Variants in SLC2A10 observed in about 807,000 individuals in gnomAD.
SLC2A10 encodes solute carrier family 2, facilitated glucose transporter member 10.
SLC2A10 carries 25 observed loss-of-function variants against 32.1 expected under a neutral mutation model. That is an observed-to-expected ratio of 0.78 (90% CI 0.57 to 1.09). SLC2A10 has a LOEUF of 1.09. Among genes scored for constraint, SLC2A10 ranks in the 50% least tolerant of loss-of-function variants. The pLI, the probability that SLC2A10 is intolerant of heterozygous loss-of-function variation, is 0.00. For missense variants in SLC2A10, 673 were observed against 686.5 expected (o/e 0.98, Z 0.22); for synonymous variants, 332 against 309.6 (o/e 1.07, Z -0.76).
rs139932041 is a variant in SLC2A10 at position 46,725,967 on chromosome 20, G to A, written c.931G>A (p.Val311Ile). The change falls in exon 2 of 5, where the codon GTC becomes ATC. Residue 311 changes from valine (V) to isoleucine (I), a missense_variant. Coordinates refer to ENST00000359271, the MANE Select transcript of SLC2A10 (RefSeq NM_030777.4). ...TGGCTGTGCCCTCATGGCCCTGTCC[G>A]TCAGTGGCATAGGCCTCGTCAGCTT... is the stretch of plus-strand genomic sequence containing the variant. ...LAGCALMALS[V>I]SGIGLVSFAV... 2.4e-4 allele frequency: 380 copies of A among 1,613,796 alleles called. 1 individual carries two copies. The Middle Eastern group carries it at 2.6e-3, about 11-fold the overall frequency.
At chr20:46,720,190 G>T (rs1311630510) in intron 1 of SLC2A10, among the ~76,000 whole-genome samples, 3 of 152,214 alleles carry the variant, frequency 2.0e-5, no homozygotes, top group African/African-American at 7.2e-5. Context: ...GGGGCACAGA[G>T]TGAGATGAGG....
At chr20:46,717,250 T>A (rs1368654382) in intron 1 of SLC2A10, among the ~76,000 whole-genome samples, 1 of 152,108 alleles carries the variant, frequency 6.6e-6, no homozygotes, top group Non-Finnish European at 1.5e-5. Flanking sequence ...ACCCCATAAT[T>A]GATCCATCAA....
In SLC2A10 at chr20:46,724,963, G is replaced by A. The variant is rs1226809363; in HGVS notation, c.5-78G>A. 5 of 1,596,982 alleles carry A rather than the reference G, an allele frequency of 3.1e-6. No individual in the cohort carries two copies. The African/African-American group carries it at 6.7e-5, about 21-fold the overall frequency. On this transcript the variant is annotated intron_variant, in intron 1 of 4. Coordinates refer to ENST00000359271, the MANE Select transcript of SLC2A10 (RefSeq NM_030777.4). ...GGATGGATAAATGAAGGTGTTGACAGATGGAGGGAAGGTTGAATGGATGGA... is the reference window on the plus strand; with the variant it reads ...GGATGGATAAATGAAGGTGTTGACAAATGGAGGGAAGGTTGAATGGATGGA...
chr20:46,708,887 T>C (rs986400832), upstream of SLC2A10, among the ~76,000 whole-genome samples: 1 of 152,224 alleles, frequency 6.6e-6, no homozygotes, highest in Admixed American at 6.5e-5. Flanking sequence ...TTGCCTTTGC[T>C]GTTCCCCCTG....
intron 1 of SLC2A10, among the ~76,000 whole-genome samples, chr20:46,717,244 C>T (rs962940394): frequency 6.6e-6 from 1 of 152,098 alleles, no homozygotes; most frequent in African/African-American, 2.4e-5. Flanking sequence ...AAACCCACCC[C>T]ATAATTGATC....
intron 1 of SLC2A10, among the ~76,000 whole-genome samples, chr20:46,711,671 C>T (rs917603364): frequency 3.3e-5 from 5 of 152,244 alleles, no homozygotes; most frequent in East Asian, 1.9e-4. Context: ...GTCATGGCTG[C>T]GGGTCTCTGT....
Position 46,723,890 on chromosome 20 carries a change from G to A in SLC2A10, c.5-1151G>A, listed in dbSNP as rs150675341. Among the ~76,000 whole-genome samples the A allele has an allele frequency of 4.6e-3, 707 of 152,342 alleles. 3 individuals are homozygous for A. The highest frequency in any genetic ancestry group is 0.015 in the African/African-American group (611 of 41,574). ...GAGGATGATATGTTATAGGGTAGCT[G>A]TAACAATTAAATGAGAAAATACATA... On this transcript the variant is annotated intron_variant, in intron 1 of 4. Coordinates refer to ENST00000359271, the MANE Select transcript of SLC2A10 (RefSeq NM_030777.4).
At chr20:46,711,105 C>G (rs1978884445) in intron 1 of SLC2A10, among the ~76,000 whole-genome samples, 1 of 152,176 alleles carries the variant, frequency 6.6e-6, no homozygotes, top group African/African-American at 2.4e-5. Context: ...CTCCTGACCT[C>G]GTGATCCGGC....
At chr20:46,729,799 C>T (rs371380989) in intron 4 of SLC2A10, among the ~76,000 whole-genome samples, 3 of 151,818 alleles carry the variant, frequency 2.0e-5, no homozygotes, top group Non-Finnish European at 4.4e-5. Context: ...CCCGCCACCA[C>T]GCCCGGCTAA....
Position 46,725,033 on chromosome 20 carries a change from T to C in SLC2A10, c.5-8T>C. 1 of 1,614,180 alleles carries C rather than the reference T, an allele frequency of 6.2e-7. No homozygotes were observed. The highest frequency in any genetic ancestry group is 8.5e-7 in the Non-Finnish European group (1 of 1,180,022). ...TCTAACTCTGTCCCTCTCACTTTTG[T>C]TTTTTAGGCCACTCCCCACCTGTCC... On this transcript the variant is annotated splice_region_variant and splice_polypyrimidine_tract_variant and intron_variant, in intron 1 of 4. Transcript: ENST00000359271.
intron 3 of SLC2A10, among the ~76,000 whole-genome samples, chr20:46,728,912 A>G (rs1220259074): frequency 6.6e-6 from 1 of 151,280 alleles, no homozygotes; most frequent in Admixed American, 6.6e-5. Flanking sequence ...GGCATGAACC[A>G]CTGCACCAAG....
chr20:46,716,707 T>C lies in SLC2A10; in HGVS notation c.4+6967T>C, dbSNP rs149565278. 4.3e-3 allele frequency among the ~76,000 whole-genome samples: 647 copies of C among 152,152 alleles called. 2 individuals carry two copies. Among genetic ancestry groups the C allele is most frequent in the African/African-American group, 0.013 (549 of 41,504 alleles). ...GGTTATTTTTATATGTACACTAATA[T>C]AAATAAAATAAAATAAAATAAAAAA... On this transcript the variant is annotated intron_variant, in intron 1 of 4. Coordinates refer to ENST00000359271, the MANE Select transcript of SLC2A10 (RefSeq NM_030777.4).
chr20:46,727,038 C>T (rs757334130), intron 3 of SLC2A10, 52 bp downstream of exon 3: 4 of 1,613,076 alleles, frequency 2.5e-6, no homozygotes, highest in East Asian at 2.2e-5. Context: ...AAGCTCCCTA[C>T]TCTAAAGCAG....
At chr20:46,728,256 C>G (rs569695138) in intron 3 of SLC2A10, among the ~76,000 whole-genome samples, 28 of 152,342 alleles carry the variant, frequency 1.8e-4, no homozygotes, top group Non-Finnish European at 3.8e-4. Flanking sequence ...GCTCTCCCTG[C>G]TGGCGATAGG....
At chr20:46,722,943 C>T (rs377226811) in intron 1 of SLC2A10, among the ~76,000 whole-genome samples, 18 of 152,326 alleles carry the variant, frequency 1.2e-4, no homozygotes, top group African/African-American at 2.2e-4. Context: ...TTCGTTAGCA[C>T]TCTTACCTGG....
chr20:46,717,489 G>C (rs1208081279), intron 1 of SLC2A10, among the ~76,000 whole-genome samples: 1 of 152,058 alleles, frequency 6.6e-6, no homozygotes, highest in Non-Finnish European at 1.5e-5. Flanking sequence ...GGGTTTAATT[G>C]ATTCTCCCAC....
intron 1 of SLC2A10, among the ~76,000 whole-genome samples, chr20:46,723,614 G>A (rs1452679994): frequency 1.3e-5 from 2 of 152,186 alleles, no homozygotes; most frequent in Non-Finnish European, 2.9e-5. Context: ...CCTGGCTGAA[G>A]CCAGCAAAGG....
chr20:46,729,009 C>G (rs1044388126), intron 3 of SLC2A10, among the ~76,000 whole-genome samples: 3 of 152,152 alleles, frequency 2.0e-5, no homozygotes, highest in Middle Eastern at 3.4e-3. Flanking sequence ...GGCCACTCAG[C>G]TGGATCCACG....
In SLC2A10 at chr20:46,734,603, C is replaced by A. The variant is rs1336830165; in HGVS notation, c.*769C>A. The A allele has an allele frequency of 6.6e-6, 1 of 152,234 alleles. No homozygotes were observed. The highest frequency in any genetic ancestry group is 2.4e-5 in the African/African-American group (1 of 41,430). The allele number at this position is 152,234 out of a possible 1,614,324, so 9.4% of individuals were successfully genotyped here. A position where few individuals can be genotyped will look rare whatever the true frequency, so the allele number is the denominator to read the frequency against. On this transcript the variant is annotated 3_prime_UTR_variant, in exon 5 of 5. Transcript: ENST00000359271. ...TTATTGACCCCTCTAATTCTCTTAC[C>A]CAGAATATTTATCCTTCACCAGCAA...
Sources: gnomAD v4.1 joint callset for allele counts (sites outside exome capture counted in the v4.1 genomes callset) on GRCh38, gnomAD v4.1.1 for gene constraint, MANE v1.5 for transcripts, NCBI Gene and HGNC (gene_info 2026-07-23, HGNC 2026-07-21) for gene names.